NOD2: variants seen among roughly 807,000 people sequenced by gnomAD.
NOD2 encodes nucleotide binding oligomerization domain containing 2.
Under a neutral mutation model 90.9 loss-of-function variants are expected in NOD2, and 86 were observed. That is an observed-to-expected ratio of 0.95 (90% CI 0.79 to 1.13). The LOEUF (loss-of-function observed/expected upper bound fraction) is 1.13. Ranked by LOEUF, NOD2 falls within the 50% of genes most tolerant of loss-of-function variation. The probability of loss-of-function intolerance (pLI) is 0.00; values close to 1 mark genes in which losing one functional copy is unlikely to be tolerated. For synonymous variants in NOD2, 581 were observed against 554.6 expected (o/e 1.05, Z -0.67); for missense variants, 1,238 against 1,283.8 (o/e 0.96, Z 0.55).
chr16:50,724,547 G>C (rs897440547), intron 9 of NOD2, among the ~76,000 whole-genome samples: 6 of 152,206 alleles, frequency 3.9e-5, no homozygotes, highest in African/African-American at 1.4e-4. Flanking sequence ...TTGCAGCTGG[G>C]CATTTGCCTT....
Position 50,711,883 on chromosome 16 carries a change from A to G in NOD2, c.1891A>G (p.Ser631Gly). The G allele has an allele frequency of 6.2e-7, 1 of 1,609,336 alleles. No individual in the cohort carries two copies. Among genetic ancestry groups the G allele is most frequent in the African/African-American group, 1.3e-5 (1 of 74,974 alleles). ...CIQASEGKDS[S>G]VAALLQKAEP... ...CCAGGCCTCGGAGGGAAAGGACAGCAGCGTGGCAGCTTTGCTGCAGAAGGC... is the reference window on the plus strand; with the variant it reads ...CCAGGCCTCGGAGGGAAAGGACAGCGGCGTGGCAGCTTTGCTGCAGAAGGC... The change falls in exon 4 of 12, where the codon AGC becomes GGC. Residue 631 changes from serine to glycine, a missense_variant. By Grantham distance (56) the Ser-to-Gly change is moderately conservative. Coordinates refer to ENST00000647318, the MANE Select transcript of NOD2 (RefSeq NM_001370466.1).
intron 2 of NOD2, among the ~76,000 whole-genome samples, chr16:50,707,385 T>C (rs1238254955): frequency 6.6e-6 from 1 of 152,178 alleles, no homozygotes; most frequent in Non-Finnish European, 1.5e-5. Flanking sequence ...ATGTTGGAGG[T>C]GTTTATGAAA....
In NOD2 at chr16:50,707,908, C is replaced by G. The variant is rs1964273321; in HGVS notation, c.513C>G (p.Phe171Leu). 1.2e-6 allele frequency: 2 copies of G among 1,614,124 alleles called. No homozygotes were observed. Among genetic ancestry groups the G allele is most frequent in the Non-Finnish European group, 8.5e-7 (1 of 1,179,994 alleles). The change falls in exon 3 of 12, where the codon TTC becomes TTG. Residue 171 changes from phenylalanine to leucine, a missense_variant. Transcript: ENST00000647318. ...ATVKANGLAA[F>L]LLQHVQELPV... ...TGAAAGCGAATGGATTGGCTGCCTT[C>G]CTTCTACAACATGTTCAGGAATTAC... is the stretch of plus-strand genomic sequence containing the variant.
Position 50,710,651 on chromosome 16 carries a change from G to C in NOD2, c.659G>C (p.Cys220Ser). 1 of 1,614,216 alleles carries C rather than the reference G, an allele frequency of 6.2e-7. No homozygotes were observed. Among genetic ancestry groups the C allele is most frequent in the Non-Finnish European group, 8.5e-7 (1 of 1,180,036 alleles). Residue 220 changes from cysteine (C) to serine (S), a missense_variant, in exon 4 of 12, where the codon TGC becomes TCC. This residue lies in a region of NOD2 where 567 missense variants were observed against 577.3 expected (regional missense o/e 0.98). Coordinates refer to ENST00000647318, the MANE Select transcript of NOD2 (RefSeq NM_001370466.1). Reference sequence around the variant, plus strand: ...ACCTATGATGGAGCAGAGACGCTCTGCCTGGAGGACATATACACAGAGAAT... The same window carrying C: ...ACCTATGATGGAGCAGAGACGCTCTCCCTGGAGGACATATACACAGAGAAT... Reference protein sequence around the residue: ...LSTYDGAETLCLEDIYTENVL... With the variant: ...LSTYDGAETLSLEDIYTENVL...
At chr16:50,697,476 C>G (rs1433326420) in intron 1 of NOD2, 1 of 745,426 alleles carries the variant, frequency 1.3e-6, no homozygotes, top group South Asian at 1.5e-5. Flanking sequence ...TTCCCCAGGA[C>G]CTGGGCAGGG....
At chr16:50,727,884 G>T (rs1175492996) in intron 10 of NOD2, 1 of 311,678 alleles carries the variant, frequency 3.2e-6, no homozygotes, top group South Asian at 3.0e-5. Flanking sequence ...GACCACCAGT[G>T]ACCATGACCT....
At chr16:50,702,158 T>C (rs1261983211) in intron 2 of NOD2, among the ~76,000 whole-genome samples, 1 of 152,184 alleles carries the variant, frequency 6.6e-6, no homozygotes, top group Non-Finnish European at 1.5e-5. Context: ...GGTCTCAAAC[T>C]CCTGGGCTCA....
At chr16:50,731,205 T>C (rs1348064214) in intron 11 of NOD2, among the ~76,000 whole-genome samples, 1 of 152,194 alleles carries the variant, frequency 6.6e-6, no homozygotes, top group East Asian at 1.9e-4. Flanking sequence ...AAATCTATGC[T>C]GTGATGGAGA....
intron 3 of NOD2, among the ~76,000 whole-genome samples, chr16:50,709,557 G>A (rs1680677474): frequency 6.6e-6 from 1 of 152,188 alleles, no homozygotes; most frequent in Admixed American, 6.5e-5. Flanking sequence ...AACTCTCCCT[G>A]CATGGGGTGC....
intron 2 of NOD2, among the ~76,000 whole-genome samples, chr16:50,700,727 A>G (rs1407801843): frequency 6.6e-6 from 1 of 152,246 alleles, no homozygotes; most frequent in African/African-American, 2.4e-5. Context: ...GTACTTGTAC[A>G]CTTTTATTTC....
intron 2 of NOD2, 38 bp from the exon 3 acceptor site, chr16:50,707,817 C>A (rs372030301): frequency 7.0e-7 from 1 of 1,421,408 alleles, no homozygotes; most frequent in Non-Finnish European, 1.0e-6. Context: ...GCTCCATCAG[C>A]CTTCCTGGAA....
intron 5 of NOD2, 88 bp downstream of exon 5, chr16:50,716,758 C>T: frequency 6.7e-7 from 1 of 1,493,972 alleles, no homozygotes; most frequent in Non-Finnish European, 9.3e-7. Context: ...GAGTGATGGG[C>T]TGGGGCAGGG....
chr16:50,720,336 G>C (rs922969796), intron 7 of NOD2, among the ~76,000 whole-genome samples: 1 of 152,162 alleles, frequency 6.6e-6, no homozygotes, highest in Non-Finnish European at 1.5e-5. Context: ...CTATTGCCAG[G>C]CCTCCCACCC....
chr16:50,713,972 C>T (rs368217718), intron 4 of NOD2, among the ~76,000 whole-genome samples: 26 of 152,152 alleles, frequency 1.7e-4, no homozygotes, highest in African/African-American at 6.3e-4. Flanking sequence ...TGGAAAACAG[C>T]CAGCACCAAA....
intron 1 of NOD2, among the ~76,000 whole-genome samples, chr16:50,696,155 C>T (rs1413281183): frequency 6.6e-6 from 1 of 152,194 alleles, no homozygotes; most frequent in African/African-American, 2.4e-5. Context: ...CTGGGCTTCC[C>T]CTCCTCTCCT....
rs141926253 is a variant in NOD2, at chr16:50,723,210, G to A, written c.2718-91G>A. Reference sequence around the variant, plus strand: ...TGATGTCTGAAATGGAGCAGACCAGGAGAGCACCACGAATTTTGCCCTCCA... The same window carrying A: ...TGATGTCTGAAATGGAGCAGACCAGAAGAGCACCACGAATTTTGCCCTCCA... On this transcript the variant is annotated intron_variant, in intron 8 of 11. Coordinates refer to ENST00000647318, the MANE Select transcript of NOD2 (RefSeq NM_001370466.1). 7.2e-5 allele frequency: 69 copies of A among 961,148 alleles called. No individual in the cohort carries two copies. In the African/African-American group the frequency reaches 9.8e-4, roughly 14 times the overall value. The allele number at this position is 961,148 out of a possible 1,614,324, so 59.5% of individuals were successfully genotyped here.
At position 50,722,705 on chromosome 16, in the gene NOD2, G is replaced by T; in HGVS notation, c.2717G>T (p.Ser906Ile). The change falls in exon 8 of 12, where the codon AGC (serine) becomes ATC (isoleucine). Residue 906 changes from serine (S) to isoleucine (I), a missense_variant and splice_region_variant. Around this residue, in one of 3 missense-constraint regions of NOD2, gnomAD observed 667 missense variants for 688.7 expected, o/e 0.97. Coordinates refer to ENST00000647318, the MANE Select transcript of NOD2 (RefSeq NM_001370466.1). ...GATCACCAGAGCTTGAGGTGGCTCA[G>T]GTAAGCTTCAGAGTCTATCCTGCAG... ...LGDHQSLRWL[S>I]LVGNNIGSVG... 1 of 1,614,170 alleles carries T rather than the reference G, an allele frequency of 6.2e-7. No individual in the cohort carries two copies. Among genetic ancestry groups the T allele is most frequent in the Non-Finnish European group, 8.5e-7 (1 of 1,179,962 alleles).
At chr16:50,715,163 A>G (rs1017982240) in intron 4 of NOD2, among the ~76,000 whole-genome samples, 3 of 152,220 alleles carry the variant, frequency 2.0e-5, no homozygotes, top group Non-Finnish European at 4.4e-5. Flanking sequence ...GCCTAGGCTC[A>G]AAGCCTTTAT....
chr16:50,728,305 C>G, intron 10 of NOD2: 1 of 349,982 alleles, frequency 2.9e-6, no homozygotes, highest in South Asian at 2.5e-5. Flanking sequence ...CTTCTTGAAC[C>G]ACCACTGCAC....
Sources: allele counts gnomAD v4.1 joint callset (sites outside exome capture counted in the v4.1 genomes callset), GRCh38; gene constraint gnomAD v4.1.1; regional missense constraint gnomAD v4.1.1; transcripts MANE v1.5; gene names NCBI Gene and HGNC (gene_info 2026-07-23, HGNC 2026-07-21).